The following CNTNAP4 variants were observed in gnomAD, a reference collection of about 807,000 sequenced individuals.
The protein encoded by CNTNAP4 is contactin-associated protein-like 4.
A neutral mutation model predicts 148.4 loss-of-function variants in CNTNAP4; 98 were observed. The observed-to-expected ratio is 0.66, with a 90% CI of 0.56 to 0.78. The LOEUF (loss-of-function observed/expected upper bound fraction) is 0.78. Ranked by LOEUF, CNTNAP4 falls within the 30% of genes least tolerant of loss-of-function variation. The pLI is 0.00. For missense variants in CNTNAP4, 1,935 were observed against 1,565.6 expected, an observed-to-expected ratio of 1.24 and a Z score of -3.98; for synonymous variants, 730 against 565.1, an observed-to-expected ratio of 1.29 and a Z score of -4.14.
rs886075787 is a variant in CNTNAP4 at position 76,445,374 on chromosome 16, G to C, written c.539-2638G>C. ...ACTAAATGGAAACACCATGAGGACA[G>C]GGGCCATATTTATGTTGAATTTTTT... is the stretch of plus-strand genomic sequence containing the variant. On this transcript the variant is annotated intron_variant, in intron 4 of 23. Coordinates refer to ENST00000611870, the MANE Select transcript of CNTNAP4 (RefSeq NM_033401.5). Among the ~76,000 whole-genome samples, 4 of 152,152 alleles carry C rather than the reference G, an allele frequency of 2.6e-5. No individual in the cohort carries two copies. The South Asian group carries it at 6.2e-4, about 24-fold the overall frequency.
chr16:76,308,297 G>C (rs959491507), intron 1 of CNTNAP4, among the ~76,000 whole-genome samples: 3 of 152,178 alleles, frequency 2.0e-5, no homozygotes, highest in Non-Finnish European at 4.4e-5. Flanking sequence ...GCATTTAATC[G>C]AGTTGAAATA....
At chr16:76,366,974 A>G (rs1038898923) in intron 3 of CNTNAP4, among the ~76,000 whole-genome samples, 1 of 152,070 alleles carries the variant, frequency 6.6e-6, no homozygotes, top group African/African-American at 2.4e-5. Context: ...ATATAGAAAA[A>G]TGTATATGAG....
At chr16:76,537,094 C>A (rs1230816187) in intron 18 of CNTNAP4, among the ~76,000 whole-genome samples, 1 of 152,168 alleles carries the variant, frequency 6.6e-6, no homozygotes, top group Non-Finnish European at 1.5e-5. Context: ...TTCTAGGACA[C>A]TTTTCATGTT....
intron 2 of CNTNAP4, among the ~76,000 whole-genome samples, chr16:76,353,756 G>T (rs1338452411): frequency 6.6e-6 from 1 of 152,148 alleles, no homozygotes; most frequent in Non-Finnish European, 1.5e-5. Flanking sequence ...GTCTTCTCTT[G>T]TTAGTAGTTG....
chr16:76,360,875 G>A (rs1207226413), intron 3 of CNTNAP4, among the ~76,000 whole-genome samples: 1 of 142,876 alleles, frequency 7.0e-6, no homozygotes, highest in Non-Finnish European at 1.5e-5. Flanking sequence ...GGAGTGCAGT[G>A]GCACGATCTC....
At chr16:76,281,253 T>TA (rs1341437943) in intron 1 of CNTNAP4, among the ~76,000 whole-genome samples, 1 of 152,092 alleles carries the variant, frequency 6.6e-6, no homozygotes, top group Non-Finnish European at 1.5e-5. Flanking sequence ...TTTACTCCTA[T>TA]AGCAGAAAAT....
At position 76,495,003 on chromosome 16, in the gene CNTNAP4, G is replaced by A; in HGVS notation, c.2174G>A (p.Gly725Glu). 1 of 1,613,604 alleles carries A rather than the reference G, an allele frequency of 6.2e-7. No homozygotes were observed. Among genetic ancestry groups the A allele is most frequent in the South Asian group, 1.1e-5 (1 of 91,064 alleles). Residue 725 changes from glycine (G) to glutamate (E), a missense_variant, in exon 14 of 24, where the codon GGA becomes GAA. Coordinates refer to ENST00000611870, the MANE Select transcript of CNTNAP4 (RefSeq NM_033401.5). ...CCTGATCTTCAAAAATGTACTTGTG[G>A]ATTAGAGGGAAACTGCATTGATTCT... ...SSPDLQKCTCGLEGNCIDSQY... is the reference protein window; with the variant it reads ...SSPDLQKCTCELEGNCIDSQY...
At chr16:76,367,864 T>G (rs559889056) in intron 3 of CNTNAP4, among the ~76,000 whole-genome samples, 1 of 152,306 alleles carries the variant, frequency 6.6e-6, no homozygotes, top group South Asian at 2.1e-4. Flanking sequence ...TCAGGGATAC[T>G]TGCCAACTGT....
intron 3 of CNTNAP4, among the ~76,000 whole-genome samples, chr16:76,376,904 G>GGGGT (rs1555537256): frequency 3.8e-5 from 4 of 103,928 alleles, no homozygotes; most frequent in African/African-American, 1.3e-4. Flanking sequence ...AAACTAACAA[G>GGGGT]GTTTGTGTGT....
intron 1 of CNTNAP4, among the ~76,000 whole-genome samples, chr16:76,295,525 G>C (rs964684182): frequency 1.3e-5 from 2 of 152,044 alleles, no homozygotes; most frequent in Non-Finnish European, 2.9e-5. Flanking sequence ...TGAGTCCACA[G>C]AGACTAGATA....
chr16:76,303,277 T>A (rs1229962535), intron 1 of CNTNAP4, among the ~76,000 whole-genome samples: 2 of 152,190 alleles, frequency 1.3e-5, no homozygotes, highest in Admixed American at 1.3e-4. Context: ...CCCATTTATC[T>A]GCAGGAAAAT....
intron 8 of CNTNAP4, among the ~76,000 whole-genome samples, chr16:76,458,856 C>T (rs577707606): frequency 1.2e-4 from 19 of 152,234 alleles, no homozygotes; most frequent in African/African-American, 4.1e-4. Context: ...ATTGCTGGGT[C>T]GAATAGTAAT....
chr16:76,442,100 C>G lies in CNTNAP4; in HGVS notation c.539-5912C>G, dbSNP rs184161329. 5.3e-5 allele frequency among the ~76,000 whole-genome samples: 8 copies of G among 152,072 alleles called. No individual in the cohort carries two copies. In the East Asian group the frequency reaches 1.5e-3, roughly 29 times the overall value. On this transcript the variant is annotated intron_variant, in intron 4 of 23. Coordinates refer to ENST00000611870, the MANE Select transcript of CNTNAP4 (RefSeq NM_033401.5). ...CAATGGGGAGATTATTTTGGTTTAT[C>G]CAGGCGGACCTGATGTAATCACAAG...
chr16:76,434,492 C>T (rs2079739897), intron 4 of CNTNAP4, among the ~76,000 whole-genome samples: 1 of 152,154 alleles, frequency 6.6e-6, no homozygotes, highest in African/African-American at 2.4e-5. Context: ...ATTGCAATCA[C>T]CACTTGATTA....
At chr16:76,341,544 G>A (rs899397697) in intron 2 of CNTNAP4, among the ~76,000 whole-genome samples, 1 of 152,144 alleles carries the variant, frequency 6.6e-6, no homozygotes, top group South Asian at 2.1e-4. Flanking sequence ...AACATTTTCA[G>A]TCCGAATGAA....
In CNTNAP4 at chr16:76,498,658, G is replaced by T. The variant is rs373970125; in HGVS notation, c.2329G>T (p.Ala777Ser). Residue 777 changes from alanine to serine, a missense_variant, in exon 15 of 24, where the codon GCT (alanine) becomes TCT (serine). Physicochemically the swap from Ala to Ser is moderately conservative, Grantham distance 99. Transcript: ENST00000611870. The stretch of plus-strand genomic sequence containing the variant: ...CACAGGCCGACTGCATTCAGAAGCA[G>T]CTTATAAACTGGGGCCTCTGCTCTG... ...TDTGRLHSEA[A>S]YKLGPLLCQG... 27 of 1,612,452 alleles carry T rather than the reference G, an allele frequency of 1.7e-5. No individual in the cohort carries two copies. Among genetic ancestry groups the T allele is most frequent in the African/African-American group, 2.7e-5 (2 of 74,886 alleles).
chr16:76,324,778 TACTC>T (rs1402338406), intron 2 of CNTNAP4, among the ~76,000 whole-genome samples: 1 of 152,166 alleles, frequency 6.6e-6, no homozygotes, highest in Non-Finnish European at 1.5e-5. Flanking sequence ...TCCTGGTACT[TACTC>T]ATGAAAAGAG....
At chr16:76,429,009 C>T (rs1010490438) in intron 4 of CNTNAP4, among the ~76,000 whole-genome samples, 7 of 152,132 alleles carry the variant, frequency 4.6e-5, no homozygotes, top group African/African-American at 1.7e-4. Flanking sequence ...GTTTGCCAAA[C>T]TCCAGAAAGC....
intron 12 of CNTNAP4, among the ~76,000 whole-genome samples, chr16:76,487,310 A>G (rs190772822): frequency 3.3e-5 from 5 of 152,222 alleles, no homozygotes; most frequent in Admixed American, 1.3e-4. Context: ...TGCGTTTTCT[A>G]TCAAGCCTTG....
Sources: gnomAD v4.1 joint callset for allele counts (sites outside exome capture counted in the v4.1 genomes callset) on GRCh38, gnomAD v4.1.1 for gene constraint, MANE v1.5 for transcripts, NCBI Gene and HGNC (gene_info 2026-07-23, HGNC 2026-07-21) for gene names.